The following RCAN2 variants were observed in gnomAD, a reference collection of about 807,000 sequenced individuals.
The protein encoded by RCAN2 is regulator of calcineurin 2.
In RCAN2, 9 loss-of-function variants were observed where a neutral mutation model predicts 23.6. The ratio of observed to expected loss-of-function variants is 0.38; its 90% CI spans 0.23 to 0.67. The LOEUF is 0.67. RCAN2 is among the 30% of genes least tolerant of loss of function. RCAN2 has a pLI of 0.51. For synonymous variants in RCAN2, 109 were observed against 115.7 expected (o/e 0.94, Z 0.37); for missense variants, 273 against 302.3 (o/e 0.90, Z 0.72).
intron 2 of RCAN2, among the ~76,000 whole-genome samples, chr6:46,432,322 T>C (rs1161612381): frequency 6.6e-6 from 1 of 152,120 alleles, no homozygotes; most frequent in Non-Finnish European, 1.5e-5. Flanking sequence ...CAAGCAATTC[T>C]CTTGCCTCAG....
At chr6:46,301,618 A>C (rs1477106253) in intron 2 of RCAN2, among the ~76,000 whole-genome samples, 1 of 152,130 alleles carries the variant, frequency 6.6e-6, no homozygotes, top group African/African-American at 2.4e-5. Flanking sequence ...ACAATTAACA[A>C]ATAGGAATAT....
intron 2 of RCAN2, among the ~76,000 whole-genome samples, chr6:46,263,198 G>A (rs532894379): frequency 1.4e-4 from 22 of 152,120 alleles, no homozygotes; most frequent in African/African-American, 2.2e-4. Flanking sequence ...ACACACTACC[G>A]TTTGATGAAT....
chr6:46,326,949 C>CTGTG (rs369104283), intron 2 of RCAN2, among the ~76,000 whole-genome samples: 12 of 152,048 alleles, frequency 7.9e-5, no homozygotes, highest in Non-Finnish European at 1.2e-4. Context: ...ACTGATGAAA[C>CTGTG]TGTGTGTGTG....
intron 2 of RCAN2, among the ~76,000 whole-genome samples, chr6:46,429,305 A>G (rs563000170): frequency 1.0e-3 from 154 of 152,324 alleles, no homozygotes; most frequent in Non-Finnish European, 1.9e-3. Flanking sequence ...GCAGCTTTGC[A>G]CAACAGAGGC....
chr6:46,491,578 C>T (rs1439942061), upstream of RCAN2, among the ~76,000 whole-genome samples: 4 of 152,042 alleles, frequency 2.6e-5, no homozygotes, highest in African/African-American at 4.8e-5. Context: ...CTCTTCTCAT[C>T]TCCTCCCTCC....
chr6:46,352,023 A>T (rs1159731342), intron 2 of RCAN2, among the ~76,000 whole-genome samples: 30 of 152,210 alleles, frequency 2.0e-4, no homozygotes. Flanking sequence ...AACCTGTCTA[A>T]GAATATAGTT....
At chr6:46,463,251 G>A (rs972865519) in intron 1 of RCAN2, among the ~76,000 whole-genome samples, 2 of 152,180 alleles carry the variant, frequency 1.3e-5, no homozygotes, top group African/African-American at 4.8e-5. Flanking sequence ...AGCATACGAA[G>A]CATAGAAAAT....
chr6:46,327,326 T>G (rs1763824600), intron 2 of RCAN2, among the ~76,000 whole-genome samples: 1 of 151,260 alleles, frequency 6.6e-6, no homozygotes, highest in Non-Finnish European at 1.5e-5. Flanking sequence ...GCTCTGACCT[T>G]GAAATACGGG....
At chr6:46,268,398 G>A (rs993203672) in intron 2 of RCAN2, among the ~76,000 whole-genome samples, 2 of 152,176 alleles carry the variant, frequency 1.3e-5, no homozygotes, top group East Asian at 1.9e-4. Flanking sequence ...CTGAGTTGGT[G>A]TCTCACTTTC....
At chr6:46,313,982 T>G (rs1458423244) in intron 2 of RCAN2, among the ~76,000 whole-genome samples, 1 of 146,470 alleles carries the variant, frequency 6.8e-6, no homozygotes, top group East Asian at 2.0e-4. Context: ...CTACTCTTAT[T>G]TATTCAAGCA....
chr6:46,471,146 G>A (rs891950205), intron 1 of RCAN2, among the ~76,000 whole-genome samples: 1 of 152,234 alleles, frequency 6.6e-6, no homozygotes, highest in Non-Finnish European at 1.5e-5. Flanking sequence ...CAGATGGCCA[G>A]GACATGTGGA....
chr6:46,269,847 AG>A (rs1767466990), intron 2 of RCAN2, among the ~76,000 whole-genome samples: 1 of 152,040 alleles, frequency 6.6e-6, no homozygotes, highest in African/African-American at 2.4e-5. Flanking sequence ...CAATGAGGGG[AG>A]GGGTACCCTT....
chr6:46,430,543 A>G (rs1767166563), intron 2 of RCAN2, among the ~76,000 whole-genome samples: 1 of 152,162 alleles, frequency 6.6e-6, no homozygotes, highest in South Asian at 2.1e-4. Flanking sequence ...AGGAGAATGA[A>G]GAGGGAAATA....
chr6:46,320,354 T>A (rs1470278289), intron 2 of RCAN2, among the ~76,000 whole-genome samples: 1 of 152,136 alleles, frequency 6.6e-6, no homozygotes, highest in Non-Finnish European at 1.5e-5. Context: ...ACAAAGTGCA[T>A]CATACCAACT....
At chr6:46,474,637 C>T (rs1318447382) in intron 1 of RCAN2, among the ~76,000 whole-genome samples, 1 of 152,144 alleles carries the variant, frequency 6.6e-6, no homozygotes, top group East Asian at 1.9e-4. Context: ...GAAAAACCTC[C>T]TCACAATAGC....
At chr6:46,443,539 C>T (rs999342146) in intron 2 of RCAN2, among the ~76,000 whole-genome samples, 3 of 151,888 alleles carry the variant, frequency 2.0e-5, no homozygotes, top group Non-Finnish European at 2.9e-5. Context: ...ACCCATCTCC[C>T]TTTTCTTCTC....
intron 2 of RCAN2, among the ~76,000 whole-genome samples, chr6:46,417,150 G>A (rs139168745): frequency 1.1e-4 from 17 of 152,280 alleles, no homozygotes; most frequent in African/African-American, 3.1e-4. Context: ...GATGGAAAAT[G>A]CTATGTCAAA....
intron 1 of RCAN2, among the ~76,000 whole-genome samples, chr6:46,487,467 C>T (rs925786560): frequency 2.0e-5 from 3 of 152,190 alleles, no homozygotes; most frequent in Admixed American, 6.5e-5. Context: ...TTCTACATGT[C>T]GTTTACCCTG....
chr6:46,314,359 C>CAAAAAAAAAAAAAAAAA, intron 2 of RCAN2, among the ~76,000 whole-genome samples: 1 of 92,218 alleles, frequency 1.1e-5, no homozygotes, highest in Non-Finnish European at 2.3e-5. Flanking sequence ...GAGACTCTGT[C>CAAAAAAAAAAAAAAAAA]AAAAAAAAAA....
Sources: gnomAD v4.1 joint callset for allele counts (sites outside exome capture counted in the v4.1 genomes callset) on GRCh38, gnomAD v4.1.1 for gene constraint, MANE v1.5 for transcripts, NCBI Gene and HGNC (gene_info 2026-07-23, HGNC 2026-07-21) for gene names.